PPP2R2D: variants seen among roughly 807,000 people sequenced by gnomAD.
PPP2R2D encodes serine/threonine-protein phosphatase 2A 55 kDa regulatory subunit B delta isoform.
Under a neutral mutation model 31.1 loss-of-function variants are expected in PPP2R2D, and 9 were observed. That is an observed-to-expected ratio of 0.29 (90% CI 0.17 to 0.51). The LOEUF (loss-of-function observed/expected upper bound fraction) is 0.51. Among genes scored for constraint, PPP2R2D ranks in the 20% least tolerant of loss-of-function variants. PPP2R2D has a pLI of 0.98. For missense variants in PPP2R2D, 391 were observed against 465.6 expected (o/e 0.84, Z 1.48); for synonymous variants, 179 against 172.6 (o/e 1.04, Z -0.29).
At chr10:131,902,851 C>CA (rs1258895164) in intron 2 of PPP2R2D, among the ~76,000 whole-genome samples, 3 of 152,106 alleles carry the variant, frequency 2.0e-5, no homozygotes, top group Non-Finnish European at 4.4e-5. Context: ...CTCCTAGGCT[C>CA]AAGCGATTCG....
At chr10:131,935,894 T>A (rs2036330805) in intron 3 of PPP2R2D, among the ~76,000 whole-genome samples, 1 of 151,980 alleles carries the variant, frequency 6.6e-6, no homozygotes, top group Admixed American at 6.5e-5. Flanking sequence ...AGAAACCCTG[T>A]CTCTACGAAA....
rs148238175 is a variant in PPP2R2D, at chr10:131,945,225, C to T, written c.656-70C>T. ...GCGTGGATTATTTGGCGTCCTATTT[C>T]GCGTGACTGAATGTAGACTAATTAA... On this transcript the variant is annotated intron_variant, in intron 6 of 8. Transcript: ENST00000455566. This position sits in a 1 kb window ranked among gnomAD's most constrained non-coding sequence, Gnocchi z 4.8. 136 of 1,518,598 alleles carry T rather than the reference C, an allele frequency of 9.0e-5. No individual in the cohort carries two copies. The highest frequency in any genetic ancestry group is 1.2e-4 in the Non-Finnish European group (129 of 1,117,398). The allele number at this position is 1,518,598 out of a possible 1,614,324, so 94.1% of individuals were successfully genotyped here.
chr10:131,962,769 T>A (rs1417810982), downstream of PPP2R2D, among the ~76,000 whole-genome samples: 7 of 152,200 alleles, frequency 4.6e-5, no homozygotes, highest in Non-Finnish European at 5.9e-5. Flanking sequence ...CCTGCTGGGC[T>A]CCACCCCCAA....
Position 131,947,684 on chromosome 10 carries a change from G to A in PPP2R2D, c.975G>A (p.Pro325=), listed in dbSNP as rs372077312. 10 of 1,614,070 alleles carry A rather than the reference G, an allele frequency of 6.2e-6. No individual in the cohort carries two copies. Among genetic ancestry groups the A allele is most frequent in the African/African-American group, 5.3e-5 (4 of 74,920 alleles). Residue 325 remains proline, a synonymous_variant, in exon 8 of 9, where the codon CCG becomes CCA. Coordinates refer to ENST00000455566, the MANE Select transcript of PPP2R2D (RefSeq NM_018461.5). The surrounding 1 kb of genome is among the most constrained non-coding windows in gnomAD (Gnocchi z 4.3). ...GGGACCTCAACATGGAGAGCAGGCC[G>A]GTGGAGACCCACCAGGTCCACGAGT... ...KVWDLNMESR[P]VETHQVHEYL...
chr10:131,915,424 AAAAT>A (rs371297021), intron 2 of PPP2R2D, among the ~76,000 whole-genome samples: 201 of 152,310 alleles, frequency 1.3e-3, no homozygotes, highest in African/African-American at 3.9e-3. Context: ...TTATTTGCAT[AAAAT>A]AAATAAACAC....
chr10:131,947,437 C>G lies in PPP2R2D; in HGVS notation c.821-93C>G. On this transcript the variant is annotated intron_variant, in intron 7 of 8. Transcript: ENST00000455566. The surrounding 1 kb of genome is among the most constrained non-coding windows in gnomAD (Gnocchi z 4.3). ...TGTTGAGGCCAAGCCCTTCCAGAGT[C>G]TCTCTGAAGGGGCCACTTCCTACTT... 5 of 1,349,882 alleles carry G rather than the reference C, an allele frequency of 3.7e-6. No individual in the cohort carries two copies. The highest frequency in any genetic ancestry group is 4.0e-6 in the Non-Finnish European group (4 of 994,458). The allele number at this position is 1,349,882 out of a possible 1,614,324, so 83.6% of individuals were successfully genotyped here.
intron 2 of PPP2R2D, among the ~76,000 whole-genome samples, chr10:131,920,537 A>G (rs1315995275): frequency 1.3e-5 from 2 of 152,278 alleles, no homozygotes; most frequent in African/African-American, 2.4e-5. Context: ...AGGCTCAGCC[A>G]TATTGTAGCA....
intron 2 of PPP2R2D, among the ~76,000 whole-genome samples, chr10:131,919,554 C>CA (rs1322673905): frequency 8.4e-6 from 1 of 118,612 alleles, no homozygotes; most frequent in African/African-American, 3.2e-5. Context: ...GGTGGAATGA[C>CA]ACAATGTAGG....
At chr10:131,960,833 G>C (rs1554901337), downstream of PPP2R2D, among the ~76,000 whole-genome samples, 1 of 152,234 alleles carries the variant, frequency 6.6e-6, no homozygotes, top group East Asian at 1.9e-4. Context: ...GTCAGAGCCA[G>C]CAGGAGTCCG....
At chr10:131,917,442 G>GAC (rs1382527379) in intron 2 of PPP2R2D, among the ~76,000 whole-genome samples, 3 of 131,372 alleles carry the variant, frequency 2.3e-5, no homozygotes, top group African/African-American at 5.9e-5. Flanking sequence ...CGGGTGGAAT[G>GAC]ACAGTGTTTG....
At chr10:131,910,982 C>T (rs1476926930) in intron 2 of PPP2R2D, among the ~76,000 whole-genome samples, 1 of 152,202 alleles carries the variant, frequency 6.6e-6, no homozygotes, top group Non-Finnish European at 1.5e-5. Flanking sequence ...GCCCCCGTCC[C>T]TCGCCCTGTG....
At chr10:131,913,221 G>A (rs1420735161) in intron 2 of PPP2R2D, among the ~76,000 whole-genome samples, 3 of 148,268 alleles carry the variant, frequency 2.0e-5, no homozygotes, top group African/African-American at 7.5e-5. Context: ...AGTAGAGTTG[G>A]GGTTTCACCA....
chr10:131,949,671 T>C (rs1295486634), intron 8 of PPP2R2D, among the ~76,000 whole-genome samples: 1 of 152,110 alleles, frequency 6.6e-6, no homozygotes, highest in African/African-American at 2.4e-5. Context: ...AGGAGCCACA[T>C]GACCGCTAAA....
intron 7 of PPP2R2D, among the ~76,000 whole-genome samples, chr10:131,946,177 TC>T (rs1183309541): frequency 2.1e-4 from 32 of 152,382 alleles, no homozygotes; most frequent in Middle Eastern, 3.4e-3. Context: ...GGAAGCCACT[TC>T]CCTTAGCTGA....
chr10:131,904,667 G>A (rs1057241093), intron 2 of PPP2R2D, among the ~76,000 whole-genome samples: 4,892 of 152,304 alleles, frequency 0.032, 103 homozygotes, highest in Middle Eastern at 0.061. Context: ...GTTCAGCTCT[G>A]TAGAGCTTTA....
chr10:131,901,147 C>T lies in PPP2R2D; in HGVS notation c.-2C>T, dbSNP rs1188516051. ...TCCCCGCCCGTCCCGCCGCCGGCTG[C>T]CATGGCAGGTGAGGGGTCTGCGCGG... On this transcript the variant is annotated 5_prime_UTR_variant, in exon 1 of 9. Transcript: ENST00000455566. 1.4e-5 allele frequency: 4 copies of T among 293,470 alleles called. No homozygotes were observed. The highest frequency in any genetic ancestry group is 5.2e-5 in the Admixed American group (1 of 19,064). 18.2% of individuals were successfully genotyped at this position (293,470 alleles called of 1,614,324 possible).
At chr10:131,906,096 C>G (rs2035577032) in intron 2 of PPP2R2D, among the ~76,000 whole-genome samples, 1 of 152,182 alleles carries the variant, frequency 6.6e-6, no homozygotes, top group Non-Finnish European at 1.5e-5. Context: ...GCACGTCAAG[C>G]AAGTGCTGCA....
chr10:131,909,545 A>G (rs2035649696), intron 2 of PPP2R2D, among the ~76,000 whole-genome samples: 1 of 152,154 alleles, frequency 6.6e-6, no homozygotes, highest in Non-Finnish European at 1.5e-5. Context: ...ACTGAATTCA[A>G]CTCTGCCTTT....
chr10:131,931,498 C>T (rs910575783), intron 2 of PPP2R2D, among the ~76,000 whole-genome samples: 12 of 152,234 alleles, frequency 7.9e-5, no homozygotes, highest in African/African-American at 2.9e-4. Flanking sequence ...TAGATACACA[C>T]CACCATGCCT....
Sources: gnomAD v4.1 joint callset for allele counts (sites outside exome capture counted in the v4.1 genomes callset) on GRCh38, gnomAD v4.1.1 for gene constraint, Gnocchi (gnomAD v3.1) non-coding constraint, MANE v1.5 for transcripts, NCBI Gene and HGNC (gene_info 2026-07-23, HGNC 2026-07-21) for gene names.